Variants in SGCZ observed in about 807,000 individuals in gnomAD.
SGCZ encodes sarcoglycan zeta, also known as zeta-sarcoglycan.
Under a neutral mutation model 41.3 loss-of-function variants are expected in SGCZ, and 40 were observed. That is an observed-to-expected ratio of 0.97 (90% CI 0.75 to 1.26). SGCZ has a LOEUF of 1.26. SGCZ is among the 50% of genes most tolerant of loss of function. SGCZ has a pLI of 0.00. For synonymous variants in SGCZ, 206 were observed against 137.5 expected (o/e 1.50, Z -3.49); for missense variants, 552 against 369.8 (o/e 1.49, Z -4.04).
intron 1 of SGCZ, among the ~76,000 whole-genome samples, chr8:14,684,031 A>C (rs987510824): frequency 3.3e-5 from 5 of 152,152 alleles, no homozygotes; most frequent in Admixed American, 1.3e-4. Context: ...GATATATAAA[A>C]GTGGTTTATG....
intron 2 of SGCZ, among the ~76,000 whole-genome samples, chr8:14,535,260 A>G (rs975154765): frequency 6.6e-6 from 1 of 151,884 alleles, no homozygotes; most frequent in Non-Finnish European, 1.5e-5. Context: ...CTTATTTTTA[A>G]TTGTAAGACA....
chr8:14,634,046 T>G (rs73664416), intron 1 of SGCZ, among the ~76,000 whole-genome samples: 3,878 of 151,964 alleles, frequency 0.026, 99 homozygotes, highest in African/African-American at 0.069. Flanking sequence ...GAAGACAGAA[T>G]TTAAGTCAAG....
At chr8:14,481,943 A>T (rs1801545985) in intron 2 of SGCZ, among the ~76,000 whole-genome samples, 1 of 152,190 alleles carries the variant, frequency 6.6e-6, no homozygotes, top group Non-Finnish European at 1.5e-5. Context: ...GATCTACAAT[A>T]GCCCCTGATT....
intron 1 of SGCZ, among the ~76,000 whole-genome samples, chr8:14,948,385 A>G (rs1800522829): frequency 6.6e-6 from 1 of 152,066 alleles, no homozygotes; most frequent in African/African-American, 2.4e-5. Context: ...TCATACCACT[A>G]AGAAGGAAAC....
chr8:14,654,448 A>G (rs1351753879), intron 1 of SGCZ, among the ~76,000 whole-genome samples: 3 of 152,126 alleles, frequency 2.0e-5, no homozygotes, highest in Non-Finnish European at 4.4e-5. Flanking sequence ...AGTAGTTGCT[A>G]TGAGAATTAA....
At chr8:14,258,673 T>C (rs1799549302) in intron 3 of SGCZ, among the ~76,000 whole-genome samples, 1 of 152,230 alleles carries the variant, frequency 6.6e-6, no homozygotes, top group Non-Finnish European at 1.5e-5. Context: ...ATACAAATTT[T>C]ACTGGATTAA....
intron 1 of SGCZ, among the ~76,000 whole-genome samples, chr8:15,205,092 C>T (rs1296865988): frequency 6.6e-6 from 1 of 152,064 alleles, no homozygotes; most frequent in East Asian, 1.9e-4. Flanking sequence ...CAGTTCATGA[C>T]TCCCTGTAAA....
chr8:14,483,688 C>T (rs949789506), intron 2 of SGCZ, among the ~76,000 whole-genome samples: 1 of 152,160 alleles, frequency 6.6e-6, no homozygotes, highest in Non-Finnish European at 1.5e-5. Flanking sequence ...TGAATGATCA[C>T]ATTTGATCCT....
chr8:14,649,824 G>T (rs951442180), intron 1 of SGCZ, among the ~76,000 whole-genome samples: 1 of 152,052 alleles, frequency 6.6e-6, no homozygotes, highest in Non-Finnish European at 1.5e-5. Flanking sequence ...ACCCAAGGCA[G>T]GGCAAAGGCA....
chr8:14,266,876 C>T (rs1440055929), intron 3 of SGCZ, among the ~76,000 whole-genome samples: 2 of 151,994 alleles, frequency 1.3e-5, no homozygotes, highest in Non-Finnish European at 2.9e-5. Flanking sequence ...GTCATTATAA[C>T]CACAAAATGG....
chr8:14,899,544 C>G (rs1798889966), intron 1 of SGCZ, among the ~76,000 whole-genome samples: 1 of 152,148 alleles, frequency 6.6e-6, no homozygotes, highest in Non-Finnish European at 1.5e-5. Context: ...GCCAGGCAGG[C>G]TGGAAAAGGA....
intron 2 of SGCZ, among the ~76,000 whole-genome samples, chr8:14,444,418 T>C (rs1423503027): frequency 1.3e-5 from 2 of 152,026 alleles, no homozygotes; most frequent in African/African-American, 2.4e-5. Flanking sequence ...AATCCAAATG[T>C]CCAACAATGA....
At chr8:14,953,783 A>G (rs374947777) in intron 1 of SGCZ, among the ~76,000 whole-genome samples, 55 of 152,208 alleles carry the variant, frequency 3.6e-4, no homozygotes, top group Non-Finnish European at 6.6e-4. Flanking sequence ...AGTGTTTACA[A>G]TAGTACTTGA....
chr8:15,097,165 G>T (rs910977699), intron 1 of SGCZ, among the ~76,000 whole-genome samples: 1 of 152,016 alleles, frequency 6.6e-6, no homozygotes, highest in Non-Finnish European at 1.5e-5. Context: ...CCACTGTTAC[G>T]TAAAGCCCAT....
At chr8:15,192,205 G>A (rs1051280895) in intron 1 of SGCZ, among the ~76,000 whole-genome samples, 6 of 151,946 alleles carry the variant, frequency 3.9e-5, no homozygotes, top group African/African-American at 1.5e-4. Flanking sequence ...CCCTCCCTGT[G>A]TAGATAGTTG....
At chr8:14,718,436 T>C (rs902186112) in intron 1 of SGCZ, among the ~76,000 whole-genome samples, 5 of 152,068 alleles carry the variant, frequency 3.3e-5, no homozygotes, top group Admixed American at 3.3e-4. Flanking sequence ...ATGCTCTTTT[T>C]AAAGGATCCC....
At chr8:14,847,178 A>AAGAAGG (rs1803158734) in intron 1 of SGCZ, among the ~76,000 whole-genome samples, 1 of 149,340 alleles carries the variant, frequency 6.7e-6, no homozygotes, top group Non-Finnish European at 1.5e-5. Flanking sequence ...GAAGAAGAAG[A>AAGAAGG]AGAAGAAGAG....
chr8:14,312,421 G>C (rs186751895), intron 3 of SGCZ, among the ~76,000 whole-genome samples: 1 of 152,024 alleles, frequency 6.6e-6, no homozygotes, highest in African/African-American at 2.4e-5. Context: ...TGTGATTTTC[G>C]GGTAGTGAAA....
chr8:15,005,382 A>G (rs1209195536), intron 1 of SGCZ, among the ~76,000 whole-genome samples: 1 of 129,712 alleles, frequency 7.7e-6, no homozygotes, highest in Non-Finnish European at 1.6e-5. Flanking sequence ...CCCAGGCTGG[A>G]GTGCAGTGGC....
Sources: gnomAD v4.1 joint callset for allele counts (sites outside exome capture counted in the v4.1 genomes callset) on GRCh38, gnomAD v4.1.1 for gene constraint, MANE v1.5 for transcripts, NCBI Gene and HGNC (gene_info 2026-07-23, HGNC 2026-07-21) for gene names.